PHF2: variants seen among roughly 807,000 people sequenced by gnomAD.
PHF2 encodes the protein lysine-specific demethylase PHF2.
PHF2 carries 27 observed loss-of-function variants against 120.5 expected under a neutral mutation model. The ratio of observed to expected loss-of-function variants is 0.22; its 90% confidence interval spans 0.17 to 0.31. The LOEUF is 0.31. Among genes scored for constraint, PHF2 ranks in the 10% least tolerant of loss-of-function variants. PHF2 has a pLI of 1.00. For missense variants in PHF2, 1,024 were observed against 1,434.8 expected (o/e 0.71, Z 4.63); for synonymous variants, 568 against 592.5 (o/e 0.96, Z 0.60).
At chr9:93,651,849 G>T (rs528116678) in intron 5 of PHF2, among the ~76,000 whole-genome samples, 4 of 152,290 alleles carry the variant, frequency 2.6e-5, no homozygotes, top group African/African-American at 9.6e-5. Flanking sequence ...GGACAGCCTG[G>T]CCCCCTGTGG....
At chr9:93,655,368 T>G (rs921951256) in intron 7 of PHF2, among the ~76,000 whole-genome samples, 1 of 151,524 alleles carries the variant, frequency 6.6e-6, no homozygotes, top group Non-Finnish European at 1.5e-5. Context: ...AATCTCTGGG[T>G]CCCTCCTCCC....
At chr9:93,638,188 C>T (rs1200863579) in intron 3 of PHF2, among the ~76,000 whole-genome samples, 1 of 151,900 alleles carries the variant, frequency 6.6e-6, no homozygotes, top group Non-Finnish European at 1.5e-5. Context: ...ATACAAGCCC[C>T]ATTACCTGAT....
intron 1 of PHF2, among the ~76,000 whole-genome samples, chr9:93,609,789 T>C (rs776998564): frequency 4.6e-5 from 7 of 152,110 alleles, no homozygotes; most frequent in Non-Finnish European, 8.8e-5. Flanking sequence ...TGCAACCTCC[T>C]GGGTTGAGGC....
At chr9:93,587,734 A>G (rs939890144) in intron 1 of PHF2, among the ~76,000 whole-genome samples, 16 of 152,042 alleles carry the variant, frequency 1.1e-4, no homozygotes, top group Non-Finnish European at 8.8e-5. Flanking sequence ...ACTAGCTGCT[A>G]TTTGGTCTGG....
At chr9:93,577,966 G>A (rs1325031950) in intron 1 of PHF2, among the ~76,000 whole-genome samples, 1 of 152,218 alleles carries the variant, frequency 6.6e-6, no homozygotes, top group Non-Finnish European at 1.5e-5. Context: ...CAAACCACCG[G>A]CAGCAAGCAG....
At chr9:93,626,259 A>G (rs1825913126) in intron 1 of PHF2, among the ~76,000 whole-genome samples, 1 of 152,180 alleles carries the variant, frequency 6.6e-6, no homozygotes, top group South Asian at 2.1e-4. Context: ...CAACAAAAAA[A>G]ATTGTAGCCA....
rs1376726007 is a variant in PHF2 at position 93,674,865 on chromosome 9, G to A, written c.2627-62G>A. ...GGTCTGCAGCCACCTGTACCCCCCC[G>A]CCCTCCTCCGTGGACCTGCCCTGCA... On this transcript the variant is annotated intron_variant, in intron 18 of 21. Coordinates refer to ENST00000359246, the MANE Select transcript of PHF2 (RefSeq NM_005392.4). 12 of 1,192,200 alleles carry A rather than the reference G, an allele frequency of 1.0e-5. No individual in the cohort carries two copies. In the East Asian group the frequency reaches 1.4e-4, roughly 14 times the overall value. 73.9% of individuals were successfully genotyped at this position (1,192,200 alleles called of 1,614,324 possible).
At chr9:93,648,505 G>A (rs1483769796) in intron 4 of PHF2, among the ~76,000 whole-genome samples, 1 of 152,160 alleles carries the variant, frequency 6.6e-6, no homozygotes, top group African/African-American at 2.4e-5. Flanking sequence ...GAGAACTATT[G>A]CAAAGGGCGA....
At chr9:93,663,318 G>T (rs1275736155) in intron 13 of PHF2, among the ~76,000 whole-genome samples, 199 bp from the exon 14 acceptor site, 2 of 152,140 alleles carry the variant, frequency 1.3e-5, no homozygotes, top group Non-Finnish European at 2.9e-5. Context: ...ACTCCATGGG[G>T]GTCAGGCAAC....
At chr9:93,613,391 C>T (rs1022701122) in intron 1 of PHF2, among the ~76,000 whole-genome samples, 2 of 151,972 alleles carry the variant, frequency 1.3e-5, no homozygotes, top group African/African-American at 4.8e-5. Flanking sequence ...AGTTATAGCC[C>T]CGATGGGTCA....
intron 2 of PHF2, among the ~76,000 whole-genome samples, chr9:93,631,958 C>T (rs2131655777): frequency 6.6e-6 from 1 of 152,036 alleles, no homozygotes; most frequent in East Asian, 1.9e-4. Flanking sequence ...TCAAGGGGTC[C>T]TTGCTTGGGG....
chr9:93,658,327 G>A, intron 10 of PHF2, 91 bp downstream of exon 10: 3 of 988,898 alleles, frequency 3.0e-6, no homozygotes, highest in South Asian at 1.4e-5. Context: ...TCCAGGACTT[G>A]TCCTGCTTCA....
intron 16 of PHF2, among the ~76,000 whole-genome samples, chr9:93,666,391 C>A (rs1295533094): frequency 6.6e-6 from 1 of 152,242 alleles, no homozygotes; most frequent in Non-Finnish European, 1.5e-5. Context: ...CTCCTTCCAA[C>A]CATGGCGGTG....
intron 1 of PHF2, among the ~76,000 whole-genome samples, chr9:93,619,720 G>A (rs191601085): frequency 8.0e-4 from 122 of 152,356 alleles, no homozygotes; most frequent in Admixed American, 7.4e-3. Flanking sequence ...GGCCTGTTGC[G>A]GCCCCTGAAG....
chr9:93,584,953 A>G (rs1386441749), intron 1 of PHF2, among the ~76,000 whole-genome samples: 1 of 152,248 alleles, frequency 6.6e-6, no homozygotes, highest in Non-Finnish European at 1.5e-5. Context: ...TCACCGACTC[A>G]GTTACATTTA....
At chr9:93,639,340 A>G (rs1390087874) in intron 3 of PHF2, among the ~76,000 whole-genome samples, 2 of 152,176 alleles carry the variant, frequency 1.3e-5, no homozygotes, top group Non-Finnish European at 2.9e-5. Context: ...GCTTTTGTCA[A>G]TAGAATCGTT....
At chr9:93,666,633 A>G (rs1051640199) in intron 16 of PHF2, among the ~76,000 whole-genome samples, 2 of 152,244 alleles carry the variant, frequency 1.3e-5, no homozygotes, top group Non-Finnish European at 2.9e-5. Context: ...GCGGCTCTTT[A>G]AAAATGTTAA....
Position 93,665,974 on chromosome 9 carries a change from T to TCTG in PHF2, c.2117-12_2117-10dup. 1 of 1,613,262 alleles carries TCTG rather than the reference T, an allele frequency of 6.2e-7. No homozygotes were observed. The highest frequency in any genetic ancestry group is 8.5e-7 in the Non-Finnish European group (1 of 1,179,668). On this transcript the variant is annotated splice_polypyrimidine_tract_variant and intron_variant, in intron 15 of 21. Coordinates refer to ENST00000359246, the MANE Select transcript of PHF2 (RefSeq NM_005392.4). Reference sequence around the variant, plus strand: ...CGCAAGGCCTCCCGCTGGACTGCCATCTGCTGTGCTTTCAGTCTTGTTGGA... The same window carrying TCTG: ...CGCAAGGCCTCCCGCTGGACTGCCATCTGCTGCTGTGCTTTCAGTCTTGTTGGA...
At chr9:93,623,773 A>G (rs1825861753) in intron 1 of PHF2, among the ~76,000 whole-genome samples, 1 of 152,186 alleles carries the variant, frequency 6.6e-6, no homozygotes, top group Non-Finnish European at 1.5e-5. Context: ...CTTGTATTCT[A>G]AGATAGAGTG....
Sources: gnomAD v4.1 joint callset for allele counts (sites outside exome capture counted in the v4.1 genomes callset) on GRCh38, gnomAD v4.1.1 for gene constraint, MANE v1.5 for transcripts, NCBI Gene and HGNC (gene_info 2026-07-23, HGNC 2026-07-21) for gene names.